The following PTPRG variants were observed in gnomAD, a reference collection of about 807,000 sequenced individuals.
PTPRG encodes the protein protein tyrosine phosphatase receptor type G.
A neutral mutation model predicts 165.3 loss-of-function variants in PTPRG; 102 were observed. The ratio of observed to expected loss-of-function variants is 0.62; its 90% confidence interval spans 0.53 to 0.73. The LOEUF is 0.73. Ranked by LOEUF, PTPRG falls within the 30% of genes least tolerant of loss-of-function variation. PTPRG has a pLI of 0.00. For synonymous variants in PTPRG, 675 were observed against 669.5 expected (o/e 1.01, Z -0.13); for missense variants, 1,866 against 1,861.4 (o/e 1.00, Z -0.05).
chr3:61,581,313 C>T (rs1332759631), intron 1 of PTPRG, among the ~76,000 whole-genome samples: 1 of 152,216 alleles, frequency 6.6e-6, no homozygotes, highest in African/African-American at 2.4e-5. Context: ...ACTAGCTAAT[C>T]AGACTCAAGT....
At chr3:61,946,494 C>T (rs2039764125) in intron 2 of PTPRG, among the ~76,000 whole-genome samples, 1 of 152,182 alleles carries the variant, frequency 6.6e-6, no homozygotes, top group Non-Finnish European at 1.5e-5. Context: ...CTACATTCTT[C>T]TGTGGGCCTG....
At chr3:61,775,593 C>G (rs888145467) in intron 2 of PTPRG, among the ~76,000 whole-genome samples, 1 of 152,022 alleles carries the variant, frequency 6.6e-6, no homozygotes, top group Non-Finnish European at 1.5e-5. Context: ...CTCAACAATC[C>G]TAGAAATAGC....
In PTPRG at chr3:62,267,710, T is replaced by C. The variant is rs1260809858; in HGVS notation, c.2765T>C (p.Ile922Thr). The C allele has an allele frequency of 2.5e-6, 4 of 1,613,216 alleles. No individual in the cohort carries two copies. Among genetic ancestry groups the C allele is most frequent in the Non-Finnish European group, 8.5e-7 (1 of 1,179,522 alleles). Residue 922 changes from isoleucine to threonine, a missense_variant, in exon 19 of 30, where the codon ATT becomes ACT. Around this residue, in one of 3 missense-constraint regions of PTPRG, gnomAD observed 1,452 missense variants for 1,463.0 expected, o/e 0.99. Coordinates refer to ENST00000474889, the MANE Select transcript of PTPRG (RefSeq NM_002841.4). ...VDGYNKAKAY[I>T]ATQGPLKSTF... ...GGTTACAACAAAGCAAAAGCCTACA[T>C]TGCCACCCAAGGACCTTTGAAGTCT...
rs1413474883 is a variant in PTPRG at position 62,243,849 on chromosome 3, T to C, written c.2418T>C (p.Ser806=). The C allele has an allele frequency of 6.3e-7, 1 of 1,597,376 alleles. No homozygotes were observed. The highest frequency in any genetic ancestry group is 8.6e-7 in the Non-Finnish European group (1 of 1,165,368). ...CTCATTTCTATGTGGAAGACAGCAG[T>C]TCACCTCGAGTGGTCCCTAATGAAA... ...QTAHFYVEDS[S]SPRVVPNESI... is the part of the protein sequence containing the mutation. The change falls in exon 15 of 30, where the codon AGT becomes AGC. Residue 806 remains serine (S), a synonymous_variant. Coordinates refer to ENST00000474889, the MANE Select transcript of PTPRG (RefSeq NM_002841.4).
chr3:61,593,690 A>G (rs1700628727), intron 1 of PTPRG, among the ~76,000 whole-genome samples: 2 of 143,380 alleles, frequency 1.4e-5, no homozygotes, highest in Non-Finnish European at 3.0e-5. Flanking sequence ...AAGTTAGAAA[A>G]GGGGGTCAGG....
intron 2 of PTPRG, among the ~76,000 whole-genome samples, chr3:61,866,892 C>T (rs780761784): frequency 2.6e-5 from 4 of 152,094 alleles, no homozygotes; most frequent in Non-Finnish European, 4.4e-5. Context: ...ACACCGCACC[C>T]GGCCAAAGTG....
intron 15 of PTPRG, among the ~76,000 whole-genome samples, chr3:62,244,351 A>C (rs1360300803): frequency 1.3e-5 from 2 of 152,202 alleles, no homozygotes; most frequent in Admixed American, 1.3e-4. Flanking sequence ...AAGATAAAGC[A>C]CTTGGTTAGT....
intron 5 of PTPRG, among the ~76,000 whole-genome samples, chr3:62,118,928 C>A (rs1576024317): frequency 1.3e-5 from 2 of 152,350 alleles, no homozygotes; most frequent in East Asian, 3.9e-4. Context: ...TTAGCTTCAT[C>A]CTCCTTAACG....
At chr3:61,927,884 A>C (rs114417238) in intron 2 of PTPRG, among the ~76,000 whole-genome samples, 18 of 152,168 alleles carry the variant, frequency 1.2e-4, no homozygotes, top group African/African-American at 4.3e-4. Context: ...TGATTGGTAA[A>C]GGTGGACATT....
At chr3:61,970,685 T>C (rs1388723167) in intron 2 of PTPRG, among the ~76,000 whole-genome samples, 1 of 149,230 alleles carries the variant, frequency 6.7e-6, no homozygotes, top group Non-Finnish European at 1.5e-5. Context: ...CAGAATTTAT[T>C]TGAACTCTTA....
intron 2 of PTPRG, among the ~76,000 whole-genome samples, chr3:61,894,259 G>C (rs1437840555): frequency 8.3e-6 from 1 of 120,024 alleles, no homozygotes; most frequent in Non-Finnish European, 1.6e-5. Context: ...CCAAGATTGT[G>C]CCACTTCACT....
Position 62,292,483 on chromosome 3 carries a change from A to G in PTPRG, c.4118A>G (p.Asn1373Ser), listed in dbSNP as rs767626921. ...ALTTLSQQLE[N>S]ENAVDVFQVA... ...ACCACCCTGTCCCAGCAACTGGAGA[A>G]TGAAAATGCTGTGGATGTTTTCCAG... The change falls in exon 29 of 30, where the codon AAT becomes AGT. Residue 1373 changes from asparagine to serine, a missense_variant. Physicochemically the swap from Asn to Ser is conservative, Grantham distance 46. Coordinates refer to ENST00000474889, the MANE Select transcript of PTPRG (RefSeq NM_002841.4). 1 of 1,613,788 alleles carries G rather than the reference A, an allele frequency of 6.2e-7. No homozygotes were observed. The highest frequency in any genetic ancestry group is 2.2e-5 in the East Asian group (1 of 44,882).
intron 2 of PTPRG, among the ~76,000 whole-genome samples, chr3:61,949,122 G>C (rs1339686477): frequency 6.6e-6 from 1 of 150,746 alleles, no homozygotes; most frequent in East Asian, 2.0e-4. Context: ...CCAACGGCCT[G>C]GTTTTCGTCA....
chr3:62,071,251 G>A (rs1478149146), intron 4 of PTPRG, among the ~76,000 whole-genome samples: 2 of 152,274 alleles, frequency 1.3e-5, no homozygotes, highest in East Asian at 1.9e-4. Context: ...TGTGTGGGGG[G>A]CACGTGGGAG....
At chr3:62,126,455 G>A (rs1290533589) in intron 5 of PTPRG, among the ~76,000 whole-genome samples, 2 of 152,150 alleles carry the variant, frequency 1.3e-5, no homozygotes, top group Non-Finnish European at 2.9e-5. Flanking sequence ...AATCCTATTA[G>A]CATTTATAAT....
intron 2 of PTPRG, among the ~76,000 whole-genome samples, chr3:61,950,507 C>T (rs774611523): frequency 6.6e-6 from 1 of 152,124 alleles, no homozygotes; most frequent in Non-Finnish European, 1.5e-5. Flanking sequence ...CTTGGTATTT[C>T]TTTCAGACAG....
At chr3:61,875,414 A>C (rs2037708533) in intron 2 of PTPRG, among the ~76,000 whole-genome samples, 1 of 152,186 alleles carries the variant, frequency 6.6e-6, no homozygotes, top group Non-Finnish European at 1.5e-5. Flanking sequence ...AAGGAATCAT[A>C]ATGTTTTTAA....
chr3:61,967,089 T>C (rs2040288760), intron 2 of PTPRG, among the ~76,000 whole-genome samples: 1 of 152,198 alleles, frequency 6.6e-6, no homozygotes, highest in Non-Finnish European at 1.5e-5. Context: ...TAATCTGGAA[T>C]GGTGGGCTCA....
intron 2 of PTPRG, among the ~76,000 whole-genome samples, chr3:61,877,742 C>T (rs538700352): frequency 4.4e-4 from 67 of 152,238 alleles, no homozygotes; most frequent in African/African-American, 1.5e-3. Context: ...ATGTAAAATG[C>T]ATGCTAGTTG....
Sources: gnomAD v4.1 joint callset for allele counts (sites outside exome capture counted in the v4.1 genomes callset) on GRCh38, gnomAD v4.1.1 for gene constraint, gnomAD v4.1.1 regional missense constraint, MANE v1.5 for transcripts, NCBI Gene and HGNC (gene_info 2026-07-23, HGNC 2026-07-21) for gene names.